Variants in IGSF21 observed in about 807,000 individuals in gnomAD.
The protein encoded by IGSF21 is immunoglobin superfamily member 21.
A neutral mutation model predicts 46.8 loss-of-function variants in IGSF21; 28 were observed. The observed-to-expected ratio is 0.60, with a 90% CI of 0.44 to 0.82. The LOEUF (loss-of-function observed/expected upper bound fraction) is 0.82. Among genes scored for constraint, IGSF21 ranks in the 40% least tolerant of loss-of-function variants. The pLI, the probability that IGSF21 is intolerant of heterozygous loss-of-function variation, is 0.00. For synonymous variants in IGSF21, 284 were observed against 273.6 expected, an observed-to-expected ratio of 1.04 and a Z score of -0.38; for missense variants, 624 against 665.5, an observed-to-expected ratio of 0.94 and a Z score of 0.69.
intron 4 of IGSF21, among the ~76,000 whole-genome samples, chr1:18,360,313 T>C (rs1244967026): frequency 6.6e-6 from 1 of 152,234 alleles, no homozygotes; most frequent in Admixed American, 6.5e-5. Flanking sequence ...TGTTCTCCCA[T>C]TGTTTTCTGT....
intron 1 of IGSF21, among the ~76,000 whole-genome samples, chr1:18,200,216 A>T (rs138642736): frequency 2.0e-5 from 3 of 152,344 alleles, no homozygotes; most frequent in African/African-American, 7.2e-5. Context: ...AAACAAGCCT[A>T]TCTGTCTCCT....
chr1:18,234,310 G>A (rs2084654083), intron 2 of IGSF21, among the ~76,000 whole-genome samples: 1 of 152,178 alleles, frequency 6.6e-6, no homozygotes, highest in Non-Finnish European at 1.5e-5. Context: ...GGTTCTCCCT[G>A]ATGAGGTATG....
chr1:18,137,447 C>A (rs997163088), intron 1 of IGSF21, among the ~76,000 whole-genome samples: 1 of 152,164 alleles, frequency 6.6e-6, no homozygotes, highest in African/African-American at 2.4e-5. Context: ...CTCACCCCAC[C>A]CTAAGAGATT....
chr1:18,260,270 C>T (rs1042983428), intron 2 of IGSF21, among the ~76,000 whole-genome samples: 5 of 152,218 alleles, frequency 3.3e-5, no homozygotes, highest in Non-Finnish European at 5.9e-5. Context: ...GTCCAGGGGC[C>T]AAGGCCAGCC....
chr1:18,207,001 C>T (rs991801159), intron 1 of IGSF21, among the ~76,000 whole-genome samples: 1 of 152,178 alleles, frequency 6.6e-6, no homozygotes, highest in Non-Finnish European at 1.5e-5. Context: ...CTCACAAGGT[C>T]AAAATCAAGG....
At chr1:18,374,095 G>A (rs1557666846) in intron 6 of IGSF21, among the ~76,000 whole-genome samples, 1 of 152,192 alleles carries the variant, frequency 6.6e-6, no homozygotes. Context: ...TCTCCTGGCT[G>A]CAGCCAACAA....
intron 3 of IGSF21, among the ~76,000 whole-genome samples, chr1:18,315,118 C>T (rs1024478867): frequency 1.3e-5 from 2 of 151,912 alleles, no homozygotes; most frequent in East Asian, 1.9e-4. Flanking sequence ...GGCGATGGGG[C>T]GGGGATAGGA....
At chr1:18,261,922 A>C (rs1383774621) in intron 2 of IGSF21, among the ~76,000 whole-genome samples, 1 of 152,200 alleles carries the variant, frequency 6.6e-6, no homozygotes, top group African/African-American at 2.4e-5. Flanking sequence ...AAAGCCAGTG[A>C]AGTTGTAGCA....
rs1278957550 is a variant in IGSF21, at chr1:18,337,348, A to G, written c.424+2338A>G. Reference sequence around the variant, plus strand: ...AGGGTGGCTGTGAGGCTTAAAGTAGATAAAGTTTGCAGAACGCCTACCTCA... The same window carrying G: ...AGGGTGGCTGTGAGGCTTAAAGTAGGTAAAGTTTGCAGAACGCCTACCTCA... On this transcript the variant is annotated intron_variant, in intron 4 of 9. Coordinates refer to ENST00000251296, the MANE Select transcript of IGSF21 (RefSeq NM_032880.5). The surrounding 1 kb of genome is among the most constrained non-coding windows in gnomAD (Gnocchi z 5.7). Among the ~76,000 whole-genome samples, 1 of 152,204 alleles carries G rather than the reference A, an allele frequency of 6.6e-6. No homozygotes were observed. The highest frequency in any genetic ancestry group is 1.5e-5 in the Non-Finnish European group (1 of 68,038).
intron 2 of IGSF21, among the ~76,000 whole-genome samples, chr1:18,228,920 C>A (rs1457044777): frequency 6.6e-6 from 1 of 152,216 alleles, no homozygotes; most frequent in East Asian, 1.9e-4. Context: ...AATGAAAGGG[C>A]ATGGCTGTGT....
intron 4 of IGSF21, among the ~76,000 whole-genome samples, chr1:18,352,482 C>T (rs184230664): frequency 4.3e-4 from 65 of 152,266 alleles, no homozygotes; most frequent in African/African-American, 1.6e-3. Context: ...CCGGGTGATT[C>T]GGATGCTGGT....
chr1:18,372,262 C>T, intron 6 of IGSF21, among the ~76,000 whole-genome samples: 1 of 152,290 alleles, frequency 6.6e-6, no homozygotes, highest in Non-Finnish European at 1.5e-5. Context: ...GCAGTGCATA[C>T]AAAGTGCTTA....
At chr1:18,168,869 C>T (rs1434666352) in intron 1 of IGSF21, among the ~76,000 whole-genome samples, 1 of 152,196 alleles carries the variant, frequency 6.6e-6, no homozygotes, top group African/African-American at 2.4e-5. Context: ...GCATATATGT[C>T]ATTTGCAGTA....
intron 1 of IGSF21, among the ~76,000 whole-genome samples, chr1:18,222,481 C>T (rs1337399351): frequency 1.3e-5 from 2 of 152,150 alleles, no homozygotes; most frequent in East Asian, 1.9e-4. Context: ...GGTGCCACCT[C>T]GCCCTGATCC....
chr1:18,254,366 C>A (rs1179985908), intron 2 of IGSF21, among the ~76,000 whole-genome samples: 3 of 150,974 alleles, frequency 2.0e-5, no homozygotes, highest in Non-Finnish European at 4.4e-5. Context: ...AAAACCCTAA[C>A]CCTAACCCTA....
chr1:18,200,974 G>C (rs542590884), intron 1 of IGSF21, among the ~76,000 whole-genome samples: 2 of 152,182 alleles, frequency 1.3e-5, no homozygotes, highest in Non-Finnish European at 2.9e-5. Flanking sequence ...ACAGATAATA[G>C]TGTTTACATG....
rs376125323 is a variant in IGSF21 at position 18,219,828 on chromosome 1, T to C, written c.71-8070T>C. On this transcript the variant is annotated intron_variant, in intron 1 of 9. Transcript: ENST00000251296. ...CGGGCATGGAGGATGTTTGCATTTC[T>C]AAGTGTGAAGTTTCCTGGCTAATCT... Among the ~76,000 whole-genome samples, 115 of 152,288 alleles carry C rather than the reference T, an allele frequency of 7.6e-4. 1 individual carries two copies. The South Asian group carries it at 0.022, about 29-fold the overall frequency.
intron 1 of IGSF21, among the ~76,000 whole-genome samples, chr1:18,218,045 G>A (rs754682920): frequency 1.3e-5 from 2 of 152,196 alleles, no homozygotes; most frequent in Non-Finnish European, 2.9e-5. Flanking sequence ...ATATAGTAGT[G>A]TTAGTCCATT....
intron 3 of IGSF21, among the ~76,000 whole-genome samples, chr1:18,292,247 G>A (rs528020283): frequency 3.0e-4 from 46 of 152,356 alleles, no homozygotes; most frequent in African/African-American, 1.1e-3. Flanking sequence ...CTGGAAGGTG[G>A]GTATTCCAAA....
Sources: allele counts gnomAD v4.1 joint callset (sites outside exome capture counted in the v4.1 genomes callset), GRCh38; gene constraint gnomAD v4.1.1; non-coding constraint Gnocchi (gnomAD v3.1); transcripts MANE v1.5; gene names NCBI Gene and HGNC (gene_info 2026-07-23, HGNC 2026-07-21).